B4GALNT2: variants seen among roughly 807,000 people sequenced by gnomAD.
B4GALNT2 encodes the protein N-acetylneuraminylgalactosylglucosyl-glucoside beta-1,4-N- acetylgalactosaminyltransferase 2.
A neutral mutation model predicts 51.1 loss-of-function variants in B4GALNT2; 42 were observed. That is an observed-to-expected ratio of 0.82 (90% confidence interval 0.64 to 1.06). The LOEUF (loss-of-function observed/expected upper bound fraction) is 1.06. B4GALNT2 is among the 50% of genes least tolerant of loss of function. B4GALNT2 has a pLI of 0.00. For missense variants in B4GALNT2, 602 were observed against 633.6 expected (o/e 0.95, Z 0.54); for synonymous variants, 253 against 251.7 (o/e 1.01, Z -0.05).
chr17:49,169,716 A>G lies in B4GALNT2; in HGVS notation c.1509A>G (p.Gln503=), dbSNP rs1348115202. Residue 503 remains glutamine (Q), a synonymous_variant, in exon 11 of 11, where the codon CAA becomes CAG. Transcript: ENST00000393354. ...TCCACTACTTCAAGAACCATCTCCA[A>G]TGTGCCGCATAAAGGTGTGAGGGCA... ...LALHYFKNHL[Q]CAA 2 of 1,582,370 alleles carry G rather than the reference A, an allele frequency of 1.3e-6. No individual in the cohort carries two copies. The highest frequency in any genetic ancestry group is 1.7e-6 in the Non-Finnish European group (2 of 1,161,634).
chr17:49,149,420 C>T (rs770271545), intron 3 of B4GALNT2, among the ~76,000 whole-genome samples: 16 of 151,910 alleles, frequency 1.1e-4, no homozygotes, highest in Non-Finnish European at 1.8e-4. Flanking sequence ...CTGAGGTGGG[C>T]GGATCACTTG....
At chr17:49,128,764 G>A (rs975899158), upstream of B4GALNT2, among the ~76,000 whole-genome samples, 6 of 152,142 alleles carry the variant, frequency 3.9e-5, no homozygotes, top group African/African-American at 1.4e-4. Context: ...TGAACACTTT[G>A]GCTTTATATT....
chr17:49,125,315 A>G, the B4GALNT2 span, among the ~76,000 whole-genome samples: 2 of 151,968 alleles, frequency 1.3e-5, no homozygotes, highest in African/African-American at 4.8e-5. Context: ...GAGCGCCACC[A>G]TTCCTGGCTA....
chr17:49,157,273 G>A (rs370936293), intron 5 of B4GALNT2, among the ~76,000 whole-genome samples: 1 of 152,080 alleles, frequency 6.6e-6, no homozygotes, highest in Admixed American at 6.5e-5. Flanking sequence ...CAATCCTCCC[G>A]CATCAGCCTG....
chr17:49,157,200 AC>A (rs1336753634), intron 5 of B4GALNT2, among the ~76,000 whole-genome samples: 5 of 152,108 alleles, frequency 3.3e-5, no homozygotes, highest in Middle Eastern at 3.2e-3. Flanking sequence ...TCACTCTGTC[AC>A]CCAGTCTGGA....
chr17:49,139,464 G>A (rs982027353), intron 1 of B4GALNT2, among the ~76,000 whole-genome samples: 2 of 152,078 alleles, frequency 1.3e-5, no homozygotes, highest in Non-Finnish European at 2.9e-5. Context: ...GAGCTCAAGC[G>A]ATCCGCCTGC....
chr17:49,164,075 G>A lies in B4GALNT2; in HGVS notation c.767-13G>A. The A allele has an allele frequency of 6.2e-7, 1 of 1,612,612 alleles. No homozygotes were observed. The stretch of plus-strand genomic sequence containing the variant: ...ACAGGACAGAGCTCTGACACCCACT[G>A]TTTTCTGCCCAGAGAGGAAGCTCAG... On this transcript the variant is annotated splice_polypyrimidine_tract_variant and intron_variant, in intron 7 of 10. Transcript: ENST00000393354.
upstream of B4GALNT2, among the ~76,000 whole-genome samples, chr17:49,132,074 C>T (rs1321992944): frequency 3.3e-5 from 5 of 151,988 alleles, no homozygotes; most frequent in South Asian, 6.2e-4. Flanking sequence ...CGCTGGAGGT[C>T]GAGGCTATGA....
At chr17:49,128,858 T>G (rs2042523494), upstream of B4GALNT2, among the ~76,000 whole-genome samples, 1 of 152,170 alleles carries the variant, frequency 6.6e-6, no homozygotes, top group African/African-American at 2.4e-5. Flanking sequence ...GGTACCCATG[T>G]GGACTGGTAA....
intron 5 of B4GALNT2, 106 bp from the exon 6 acceptor site, chr17:49,158,931 C>A (rs1396900768): frequency 1.5e-6 from 2 of 1,327,890 alleles, no homozygotes; most frequent in Non-Finnish European, 1.0e-6. Context: ...TCTCCCCTCA[C>A]CCTTATGTGC....
chr17:49,140,455 AT>A (rs2042632679), intron 1 of B4GALNT2, among the ~76,000 whole-genome samples: 1 of 152,200 alleles, frequency 6.6e-6, no homozygotes, highest in Non-Finnish European at 1.5e-5. Flanking sequence ...TACAAATTAT[AT>A]CATTTTGTTG....
intron 3 of B4GALNT2, among the ~76,000 whole-genome samples, chr17:49,147,869 A>G (rs954731816): frequency 3.7e-4 from 55 of 148,352 alleles, no homozygotes; most frequent in Middle Eastern, 3.6e-3. Context: ...GTGTGTGTAT[A>G]TATATCCATA....
At chr17:49,141,097 C>T (rs1410502296) in intron 1 of B4GALNT2, 150 bp from the exon 2 acceptor site, 26 of 624,334 alleles carry the variant, frequency 4.2e-5, no homozygotes, top group South Asian at 1.6e-4. Flanking sequence ...CAACTTGATT[C>T]TTTCCTCCTC....
intron 5 of B4GALNT2, among the ~76,000 whole-genome samples, chr17:49,157,474 C>A (rs2042822246): frequency 6.6e-6 from 1 of 152,064 alleles, no homozygotes; most frequent in Non-Finnish European, 1.5e-5. Flanking sequence ...GCATGCACCA[C>A]TACACCCAGC....
chr17:49,121,041 T>C, the B4GALNT2 span, among the ~76,000 whole-genome samples: 1 of 152,204 alleles, frequency 6.6e-6, no homozygotes, highest in East Asian at 1.9e-4. Context: ...TCTGAAGAGC[T>C]GACCCCTCAT....
intron 3 of B4GALNT2, chr17:49,148,300 G>GA (rs912581091): frequency 3.6e-3 from 1,161 of 322,070 alleles, no homozygotes; most frequent in South Asian, 5.4e-3. Flanking sequence ...ATCCTGTCTC[G>GA]AAAAAAAAAT....
chr17:49,164,008 G>T, intron 7 of B4GALNT2, 80 bp from the exon 8 acceptor site: 1 of 1,378,794 alleles, frequency 7.3e-7, no homozygotes, highest in South Asian at 1.4e-5. Flanking sequence ...ATGGCAGAAA[G>T]AAGCCATCAG....
At chr17:49,122,039 T>C in the B4GALNT2 span, among the ~76,000 whole-genome samples, 1 of 152,178 alleles carries the variant, frequency 6.6e-6, no homozygotes, top group African/African-American at 2.4e-5. Flanking sequence ...AGGCTTGGAA[T>C]GTTTCTGTGT....
intron 1 of B4GALNT2, among the ~76,000 whole-genome samples, chr17:49,136,754 C>T (rs1338274589): frequency 6.6e-6 from 1 of 151,966 alleles, no homozygotes; most frequent in African/African-American, 2.4e-5. Context: ...ACCATGTTGG[C>T]CAGGCTGGTC....
Sources: gnomAD v4.1 joint callset for allele counts (sites outside exome capture counted in the v4.1 genomes callset) on GRCh38, gnomAD v4.1.1 for gene constraint, MANE v1.5 for transcripts, NCBI Gene and HGNC (gene_info 2026-07-23, HGNC 2026-07-21) for gene names.